The following NCOR2 variants were observed in gnomAD, a reference collection of about 807,000 sequenced individuals.
The protein encoded by NCOR2 is nuclear receptor corepressor 2.
Under a neutral mutation model 262.9 loss-of-function variants are expected in NCOR2, and 81 were observed. The ratio of observed to expected loss-of-function variants is 0.31; its 90% CI spans 0.26 to 0.37. The LOEUF is 0.37. NCOR2 is among the 10% of genes least tolerant of loss of function. The pLI, the probability that NCOR2 is intolerant of heterozygous loss-of-function variation, is 1.00. For synonymous variants in NCOR2, 1,659 were observed against 1,559.3 expected (o/e 1.06, Z -1.51); for missense variants, 3,385 against 3,621.4 (o/e 0.93, Z 1.68).
chr12:124,334,603 C>A, exon 41 of NCOR2: 1 of 1,403,246 alleles, frequency 7.1e-7, no homozygotes, highest in East Asian at 2.7e-5. Context: ...GGGTGTAGTC[C>A]TGTGTGATGA....
At chr12:124,554,937 G>A (rs373322960) in intron 1 of NCOR2, among the ~76,000 whole-genome samples, 1 of 152,360 alleles carries the variant, frequency 6.6e-6, no homozygotes, top group Non-Finnish European at 1.5e-5. Flanking sequence ...CAGAGACGTG[G>A]GCTTTGATGT....
At chr12:124,544,407 G>A (rs1051863686) in intron 1 of NCOR2, among the ~76,000 whole-genome samples, 1 of 152,184 alleles carries the variant, frequency 6.6e-6, no homozygotes, top group Non-Finnish European at 1.5e-5. Flanking sequence ...CGGGCTGCCC[G>A]CCCAGGAGCA....
At chr12:124,507,390 G>A (rs1393271444) in intron 1 of NCOR2, among the ~76,000 whole-genome samples, 1 of 152,188 alleles carries the variant, frequency 6.6e-6, no homozygotes, top group Non-Finnish European at 1.5e-5. Flanking sequence ...CCTCCTCCAG[G>A]GAGACCTCCC....
chr12:124,381,223 C>T (rs1280468116), intron 17 of NCOR2, among the ~76,000 whole-genome samples: 3 of 152,132 alleles, frequency 2.0e-5, no homozygotes, highest in East Asian at 1.9e-4. Flanking sequence ...CCTCCCTGCT[C>T]GCTGCCCCAG....
Position 124,531,482 on chromosome 12 carries a change from G to C in NCOR2, c.-118+4083C>G, listed in dbSNP as rs2050769316. Among the ~76,000 whole-genome samples the C allele has an allele frequency of 6.8e-6, 1 of 147,294 alleles. No homozygotes were observed. Among genetic ancestry groups the C allele is most frequent in the Non-Finnish European group, 1.5e-5 (1 of 68,010 alleles). ...TGCTGTCATTTGAGGGTGGCCTGTG[G>C]GGAGAAGGAGGGAGGAGAAGGAGGG... On this transcript the variant is annotated intron_variant, in intron 1 of 46. Transcript: ENST00000404621. This position sits in a 1 kb window ranked among gnomAD's most constrained non-coding sequence, Gnocchi z 4.5.
At position 124,517,322 on chromosome 12, in the gene NCOR2, C is replaced by T. The variant is rs1470536393; in HGVS notation, c.-118+18243G>A. Among the ~76,000 whole-genome samples the T allele has an allele frequency of 5.3e-5, 8 of 152,270 alleles. No homozygotes were observed. The highest frequency in any genetic ancestry group is 1.0e-4 in the Non-Finnish European group (7 of 68,000). On this transcript the variant is annotated intron_variant, in intron 1 of 46. Coordinates refer to the NCOR2 transcript ENST00000404621. This position sits in a 1 kb window ranked among gnomAD's most constrained non-coding sequence, Gnocchi z 7.6. The stretch of plus-strand genomic sequence containing the variant: ...TCCCGCCACCTCCCTATGGCCGCGG[C>T]GCACCCAGACCTCAGGACAAATCAC...
intron 1 of NCOR2, among the ~76,000 whole-genome samples, chr12:124,529,201 A>C (rs1372695456): frequency 2.1e-5 from 3 of 143,932 alleles, no homozygotes; most frequent in Non-Finnish European, 4.6e-5. Context: ...AAAAAAAAAA[A>C]ACACTCACTA....
At chr12:124,369,468 G>A (rs961928641) in intron 20 of NCOR2, among the ~76,000 whole-genome samples, 7 of 152,066 alleles carry the variant, frequency 4.6e-5, no homozygotes, top group African/African-American at 1.7e-4. Flanking sequence ...GGGTCGCCTG[G>A]GGGGCCCGCC....
At chr12:124,545,520 C>G (rs536836340) in intron 1 of NCOR2, among the ~76,000 whole-genome samples, 1 of 152,288 alleles carries the variant, frequency 6.6e-6, no homozygotes, top group South Asian at 2.1e-4. Flanking sequence ...CGGGGACCCT[C>G]GAAGCCCCCA....
chr12:124,555,220 T>C (rs533914057), intron 1 of NCOR2, among the ~76,000 whole-genome samples: 1 of 152,332 alleles, frequency 6.6e-6, no homozygotes, highest in African/African-American at 2.4e-5. Flanking sequence ...CGAGCTTGCC[T>C]GCATCCTACC....
At chr12:124,469,641 G>GAGGGCCCA (rs1338572948) in intron 4 of NCOR2, among the ~76,000 whole-genome samples, 2 of 152,186 alleles carry the variant, frequency 1.3e-5, no homozygotes, top group Non-Finnish European at 2.9e-5. Context: ...TGCAGCCTCA[G>GAGGGCCCA]CCAGGGCCCT....
At chr12:124,415,611 G>C (rs1397906945) in intron 13 of NCOR2, among the ~76,000 whole-genome samples, 1 of 152,228 alleles carries the variant, frequency 6.6e-6, no homozygotes, top group Non-Finnish European at 1.5e-5. Context: ...CCTCCTGCCC[G>C]GCTTGCTTTC....
rs2046407779 is a variant in NCOR2 at position 124,466,160 on chromosome 12, C to CGG, written c.705+11_705+12dup. The CGG allele has an allele frequency of 1.2e-6, 2 of 1,602,438 alleles. No homozygotes were observed. The highest frequency in any genetic ancestry group is 4.6e-5 in the East Asian group (2 of 43,802). On this transcript the variant is annotated intron_variant, in intron 5 of 46. Coordinates refer to ENST00000405201, the Ensembl canonical transcript of NCOR2. Reference sequence around the variant, plus strand: ...AGCACCGGGGGGCAGCAGGCCAGGGCGGGGACACATACCCGGTTCTCGTCG... The same window carrying CGG: ...AGCACCGGGGGGCAGCAGGCCAGGGCGGGGGGACACATACCCGGTTCTCGTCG...
chr12:124,439,228 GAC>G (rs139128974), intron 7 of NCOR2, among the ~76,000 whole-genome samples: 4 of 35,770 alleles, frequency 1.1e-4, no homozygotes, highest in Non-Finnish European at 1.9e-4. Context: ...GAGACCCAGA[GAC>G]AGAGGGAGAC....
intron 1 of NCOR2, chr12:124,562,162 T>C (rs1371319052): frequency 6.6e-6 from 1 of 152,190 alleles, no homozygotes; most frequent in Non-Finnish European, 1.5e-5. Flanking sequence ...CACAGGTGGC[T>C]GTTTAAATTT....
At position 124,504,970 on chromosome 12, in the gene NCOR2, C is replaced by T. The variant is rs187769923; in HGVS notation, c.-117-9602G>A. Among the ~76,000 whole-genome samples, 870 of 152,236 alleles carry T rather than the reference C, an allele frequency of 5.7e-3. 10 individuals are homozygous for T. Among genetic ancestry groups the T allele is most frequent in the Middle Eastern group, 0.024 (7 of 294 alleles). On this transcript the variant is annotated intron_variant, in intron 1 of 46. Transcript: ENST00000404621. The surrounding 1 kb of genome is among the most constrained non-coding windows in gnomAD (Gnocchi z 4.5). ...AGACAGAGGTGGTGGTTGCACAACC[C>T]GTGAATGTCCTAAATGCAAACTAAT...
At chr12:124,528,482 C>A (rs1203010503) in intron 1 of NCOR2, among the ~76,000 whole-genome samples, 1 of 152,234 alleles carries the variant, frequency 6.6e-6, no homozygotes, top group Non-Finnish European at 1.5e-5. Context: ...CCATGCTCCT[C>A]CCTTGCCCCA....
chr12:124,429,238 C>A (rs2043776749), intron 10 of NCOR2, among the ~76,000 whole-genome samples: 1 of 152,260 alleles, frequency 6.6e-6, no homozygotes, highest in South Asian at 2.1e-4. Context: ...CACAGGCACT[C>A]CCGCCCCTTG....
rs151014115 is a variant in NCOR2, at chr12:124,472,655, A to G, written c.591+297T>C. ...GTCTAATGCGGCAGCCTGTGTGGCT[A>G]TTCAAAGGCACATTTAATACGTATA... On this transcript the variant is annotated intron_variant, in intron 4 of 46. Transcript: ENST00000405201. 4.7e-3 allele frequency among the ~76,000 whole-genome samples: 711 copies of G among 152,338 alleles called. 7 individuals carry two copies. Among genetic ancestry groups the G allele is most frequent in the African/African-American group, 0.016 (674 of 41,570 alleles).
Sources: allele counts gnomAD v4.1 joint callset (sites outside exome capture counted in the v4.1 genomes callset), GRCh38; gene constraint gnomAD v4.1.1; non-coding constraint Gnocchi (gnomAD v3.1); transcripts MANE v1.5; gene names NCBI Gene and HGNC (gene_info 2026-07-23, HGNC 2026-07-21).